Variants in TRIM39 observed in about 807,000 individuals in gnomAD.
TRIM39 encodes the protein E3 ubiquitin-protein ligase TRIM39.
In TRIM39, 5 loss-of-function variants were observed where a neutral mutation model predicts 53.6. The ratio of observed to expected loss-of-function variants is 0.09; its 90% CI spans 0.05 to 0.20. The LOEUF (loss-of-function observed/expected upper bound fraction) is 0.20. TRIM39 is among the 10% of genes least tolerant of loss of function. TRIM39 has a pLI of 1.00. For missense variants in TRIM39, 310 were observed against 621.0 expected (o/e 0.50, Z 5.32); for synonymous variants, 196 against 237.6 (o/e 0.82, Z 1.61).
At chr6:30,343,470 T>TA (rs1787773345) in exon 8 of TRIM39, 1 of 152,662 alleles carries the variant, frequency 6.6e-6, no homozygotes, top group African/African-American at 2.4e-5. Context: ...ATAGGGTACA[T>TA]ATGTTGTCAT....
intron 4 of TRIM39, among the ~76,000 whole-genome samples, chr6:30,334,861 C>T (rs2127399228): frequency 6.6e-6 from 1 of 152,204 alleles, no homozygotes; most frequent in Non-Finnish European, 1.5e-5. Flanking sequence ...TTTTGAGTAG[C>T]TAGGACTGCA....
At chr6:30,333,357 T>G (rs796843331) in intron 4 of TRIM39, among the ~76,000 whole-genome samples, 6 of 140,466 alleles carry the variant, frequency 4.3e-5, no homozygotes, top group South Asian at 2.4e-4. Context: ...TTTGTGGTTT[T>G]TTTTTTTTTT....
intron 7 of TRIM39, chr6:30,341,257 G>A (rs951207325): frequency 2.7e-6 from 1 of 368,930 alleles, no homozygotes; most frequent in African/African-American, 2.2e-5. Context: ...TTATATTAAT[G>A]TGAATATGCA....
chr6:30,339,805 C>G lies in TRIM39; in HGVS notation c.781-103C>G. 1 of 1,499,496 alleles carries G rather than the reference C, an allele frequency of 6.7e-7. No homozygotes were observed. Among genetic ancestry groups the G allele is most frequent in the East Asian group, 2.3e-5 (1 of 43,138 alleles). The allele number at this position is 1,499,496 out of a possible 1,614,324, so 92.9% of individuals were successfully genotyped here. On this transcript the variant is annotated intron_variant, in intron 5 of 7. Coordinates refer to ENST00000396551, the Ensembl canonical transcript of TRIM39. This position sits in a 1 kb window ranked among gnomAD's most constrained non-coding sequence, Gnocchi z 4.2. ...TGTGTGACCCTCAGTTTATCCTATC[C>G]CTATTTTATAGCTGTGGAACTTTGG...
chr6:30,341,833 C>A, exon 8 of TRIM39: 1 of 1,612,982 alleles, frequency 6.2e-7, no homozygotes, highest in Non-Finnish European at 8.5e-7. Flanking sequence ...GGCGTTTCAC[C>A]TTCTACCCTT....
intron 2 of TRIM39, 59 bp from the exon 3 acceptor site, chr6:30,329,252 A>AG: frequency 1.3e-6 from 2 of 1,524,558 alleles, no homozygotes; most frequent in South Asian, 1.3e-5. Flanking sequence ...AAAAAAAAAA[A>AG]AAAGAAAAAA....
Position 30,335,210 on chromosome 6 carries a change from G to C in TRIM39, c.550-535G>C, listed in dbSNP as rs371325016. ...CATCAGTAGGGGGGTGATAGTGATG[G>C]AGCCATTCTTTACAGAAGGAAATTC... is the stretch of plus-strand genomic sequence containing the variant. On this transcript the variant is annotated intron_variant, in intron 4 of 7. Transcript: ENST00000396551. The surrounding 1 kb of genome is among the most constrained non-coding windows in gnomAD (Gnocchi z 4.7). 2.6e-5 allele frequency among the ~76,000 whole-genome samples: 4 copies of C among 152,266 alleles called. No homozygotes were observed. The East Asian group carries it at 5.8e-4, about 22-fold the overall frequency.
At chr6:30,340,725 C>G in intron 7 of TRIM39, 105 bp downstream of exon 7, 5 of 1,169,622 alleles carry the variant, frequency 4.3e-6, no homozygotes, top group Non-Finnish European at 5.9e-6. Flanking sequence ...ACTTTTCTTA[C>G]TCCCACACAC....
intron 5 of TRIM39, among the ~76,000 whole-genome samples, chr6:30,337,769 T>C (rs1239011006): frequency 6.6e-6 from 1 of 152,230 alleles, no homozygotes; most frequent in Non-Finnish European, 1.5e-5. Context: ...CCTTTGAAGC[T>C]TTAAAGCCAG....
Position 30,339,845 on chromosome 6 carries a change from C to A in TRIM39, c.781-63C>A. 6.2e-7 allele frequency: 1 copy of A among 1,610,766 alleles called. No homozygotes were observed. The highest frequency in any genetic ancestry group is 8.5e-7 in the Non-Finnish European group (1 of 1,177,758). ...TGGAACTTTGGGGAGGAGGGGGAAC[C>A]TTTTGCCTTCAGGACCACTGAATAC... On this transcript the variant is annotated intron_variant, in intron 5 of 7. Coordinates refer to ENST00000396551, the Ensembl canonical transcript of TRIM39. This position sits in a 1 kb window ranked among gnomAD's most constrained non-coding sequence, Gnocchi z 4.2.
intron 1 of TRIM39, among the ~76,000 whole-genome samples, chr6:30,328,490 G>A (rs1426242318): frequency 6.6e-6 from 1 of 152,224 alleles, no homozygotes; most frequent in Non-Finnish European, 1.5e-5. Context: ...AGAGGAGGTT[G>A]CCTTTGCCTC....
At position 30,342,253 on chromosome 6, in the gene TRIM39, G is replaced by A; in HGVS notation, c.1461G>A (p.Trp487Ter). The A allele has an allele frequency of 6.2e-7, 1 of 1,612,508 alleles. No individual in the cohort carries two copies. The highest frequency in any genetic ancestry group is 8.5e-7 in the Non-Finnish European group (1 of 1,179,652). Reference sequence around the variant, plus strand: ...TTACCATCAGGCCCCCAACAGATTGGGAGTGACAGGTTGGGATGTGGGAAT... The same window carrying A: ...TTACCATCAGGCCCCCAACAGATTGAGAGTGACAGGTTGGGATGTGGGAAT... The change falls in exon 8 of 8, where the codon TGG becomes TGA. Residue 487 changes from tryptophan to a stop codon, truncating the protein, a stop_gained. Coordinates refer to ENST00000396551, the Ensembl canonical transcript of TRIM39. LOFTEE classifies it high-confidence loss of function. This position sits in a 1 kb window ranked among gnomAD's most constrained non-coding sequence, Gnocchi z 4.7.
chr6:30,336,016 AGCGTAGCTTT>A (rs1362765202), intron 5 of TRIM39, 41 bp downstream of exon 5: 1 of 1,610,532 alleles, frequency 6.2e-7, no homozygotes, highest in Non-Finnish European at 8.5e-7. Context: ...GGCTGAGTGC[AGCGTAGCTTT>A]GCGTAGCCTG....
chr6:30,342,286 G>T lies in TRIM39; in HGVS notation c.*27G>T. On this transcript the variant is annotated 3_prime_UTR_variant, in exon 8 of 8. Transcript: ENST00000396551. This position sits in a 1 kb window ranked among gnomAD's most constrained non-coding sequence, Gnocchi z 4.7. ...AGGTTGGGATGTGGGAATGACTGGG[G>T]TGAGGCAGGGTCAAGTGCTACGGGC... 1.2e-6 allele frequency: 2 copies of T among 1,606,030 alleles called. No individual in the cohort carries two copies. Among genetic ancestry groups the T allele is most frequent in the Non-Finnish European group, 8.5e-7 (1 of 1,175,958 alleles).
intron 4 of TRIM39, among the ~76,000 whole-genome samples, chr6:30,334,779 G>A (rs1001846712): frequency 1.3e-5 from 2 of 152,096 alleles, no homozygotes; most frequent in African/African-American, 4.8e-5. Context: ...ACTCACCCAG[G>A]CTGGAGGGCA....
rs1416768135 is a variant in TRIM39 at position 30,342,435 on chromosome 6, TGA to T, written c.*182_*183del. On this transcript the variant is annotated 3_prime_UTR_variant, in exon 8 of 8. Coordinates refer to ENST00000396551, the Ensembl canonical transcript of TRIM39. The surrounding 1 kb of genome is among the most constrained non-coding windows in gnomAD (Gnocchi z 4.7). The stretch of plus-strand genomic sequence containing the variant: ...GAGGGGGAGGTAGGACTGGGCTGGA[TGA>T]GAGAGCACAGCTGTGACTTCCTCCT... 4.5e-6 allele frequency: 3 copies of T among 661,854 alleles called. No homozygotes were observed. The African/African-American group carries it at 5.5e-5, about 12-fold the overall frequency. The allele number at this position is 661,854 out of a possible 1,614,324, so 41.0% of individuals were successfully genotyped here. A position where few individuals can be genotyped will look rare whatever the true frequency, so the allele number is the denominator to read the frequency against.
chr6:30,330,804 G>T, exon 4 of TRIM39: 3 of 1,614,202 alleles, frequency 1.9e-6, no homozygotes, highest in Non-Finnish European at 1.7e-6. Context: ...AGTGTCTGGA[G>T]CCCCTGGAAC....
intron 5 of TRIM39, 61 bp downstream of exon 5, chr6:30,336,036 G>A (rs1380286396): frequency 6.3e-7 from 1 of 1,598,986 alleles, no homozygotes; most frequent in Non-Finnish European, 8.5e-7. Context: ...TGCGTAGCCT[G>A]GGATTTGTCA....
At chr6:30,329,092 G>GA (rs994816937) in intron 2 of TRIM39, 51 bp downstream of exon 2, 21 of 566,468 alleles carry the variant, frequency 3.7e-5, no homozygotes, top group South Asian at 9.9e-5. Flanking sequence ...TTACTAACAA[G>GA]AAAAAAAAGG....
Sources: gnomAD v4.1 joint callset for allele counts (sites outside exome capture counted in the v4.1 genomes callset) on GRCh38, gnomAD v4.1.1 for gene constraint, Gnocchi (gnomAD v3.1) non-coding constraint, MANE v1.5 for transcripts, NCBI Gene and HGNC (gene_info 2026-07-23, HGNC 2026-07-21) for gene names.